Variants in CNIH3 observed in about 807,000 individuals in gnomAD.
CNIH3 encodes the protein protein cornichon homolog 3.
Under a neutral mutation model 24.1 loss-of-function variants are expected in CNIH3, and 14 were observed. That is an observed-to-expected ratio of 0.58 (90% CI 0.38 to 0.91). CNIH3 has a LOEUF of 0.91. Ranked by LOEUF, CNIH3 falls within the 40% of genes least tolerant of loss-of-function variation. The pLI is 0.00. For synonymous variants in CNIH3, 68 were observed against 73.8 expected, an observed-to-expected ratio of 0.92 and a Z score of 0.40; for missense variants, 178 against 196.8, an observed-to-expected ratio of 0.90 and a Z score of 0.57.
chr1:224,606,406 A>G (rs946827244), intron 3 of CNIH3, among the ~76,000 whole-genome samples: 1 of 152,082 alleles, frequency 6.6e-6, no homozygotes, highest in African/African-American at 2.4e-5. Context: ...TGGAGTGGGA[A>G]GATGGTCTTC....
rs1572280531 is a variant in CNIH3 at position 224,458,158 on chromosome 1, G to A, written n.203+23296G>A. Reference sequence around the variant, plus strand: ...TGAATGTATTAAGGAGTGACGTACGGCTGGATTCACTCTGATCTCATTCAC... The same window carrying A: ...TGAATGTATTAAGGAGTGACGTACGACTGGATTCACTCTGATCTCATTCAC... On this transcript the variant is annotated intron_variant and non_coding_transcript_variant, in intron 1 of 5. Coordinates refer to the CNIH3 transcript ENST00000471578. The surrounding 1 kb of genome is among the most constrained non-coding windows in gnomAD (Gnocchi z 4.3). 6.6e-6 allele frequency among the ~76,000 whole-genome samples: 1 copy of A among 152,184 alleles called. No homozygotes were observed. The highest frequency in any genetic ancestry group is 2.1e-4 in the South Asian group (1 of 4,834).
downstream of CNIH3, among the ~76,000 whole-genome samples, chr1:224,539,891 T>A (rs1679445315): frequency 6.6e-6 from 1 of 152,202 alleles, no homozygotes; most frequent in African/African-American, 2.4e-5. Context: ...TGCTTTATAT[T>A]ATAGTTAATT....
At chr1:224,680,088 C>T (rs558691137) in intron 1 of CNIH3, among the ~76,000 whole-genome samples, 2 of 152,226 alleles carry the variant, frequency 1.3e-5, no homozygotes, top group South Asian at 2.1e-4. Flanking sequence ...GGATTACAGG[C>T]GGTCATGTCT....
intron 5 of CNIH3, among the ~76,000 whole-genome samples, chr1:224,583,778 A>G (rs1364948732): frequency 6.6e-6 from 1 of 152,248 alleles, no homozygotes; most frequent in East Asian, 1.9e-4. Context: ...CTAAAAATCC[A>G]TGAAATAGAA....
upstream of CNIH3, among the ~76,000 whole-genome samples, chr1:224,612,776 C>T (rs1485614080): frequency 1.3e-5 from 2 of 151,990 alleles, no homozygotes; most frequent in Admixed American, 6.6e-5. The surrounding 1 kb of genome is among the most constrained non-coding windows in gnomAD (Gnocchi z 4.7). Context: ...GCGAGGACTC[C>T]GTAAACAAGA....
At chr1:224,502,332 A>C (rs1384426291) in intron 1 of CNIH3, among the ~76,000 whole-genome samples, 1 of 152,176 alleles carries the variant, frequency 6.6e-6, no homozygotes, top group African/African-American at 2.4e-5. Context: ...GTATCTCGTG[A>C]TAGAGACTCC....
At chr1:224,453,376 CG>C (rs551532157) in intron 1 of CNIH3, among the ~76,000 whole-genome samples, 7 of 151,216 alleles carry the variant, frequency 4.6e-5, no homozygotes, top group Non-Finnish European at 1.0e-4. Flanking sequence ...TTTGTAGAAA[CG>C]GTTTCTCACA....
At chr1:224,720,350 G>A (rs764514856) in intron 3 of CNIH3, among the ~76,000 whole-genome samples, 3 of 151,750 alleles carry the variant, frequency 2.0e-5, no homozygotes, top group Non-Finnish European at 4.4e-5. Context: ...GGAGCATAGC[G>A]GTGCATGAGG....
chr1:224,518,501 C>CT (rs5781373), intron 1 of CNIH3, among the ~76,000 whole-genome samples: 32,915 of 146,196 alleles, frequency 0.23, 4,369 homozygotes, highest in Middle Eastern at 0.35. Context: ...TTTTTGAAGC[C>CT]TTTTTTTTTT....
At chr1:224,619,008 T>C (rs1476007303) in intron 1 of CNIH3, among the ~76,000 whole-genome samples, 1 of 152,228 alleles carries the variant, frequency 6.6e-6, no homozygotes, top group Non-Finnish European at 1.5e-5. Context: ...CTTCTTTGGA[T>C]ATGGGGAGTT....
intron 2 of CNIH3, among the ~76,000 whole-genome samples, chr1:224,532,716 A>G (rs933191777): frequency 1.3e-5 from 2 of 152,248 alleles, no homozygotes; most frequent in Admixed American, 6.5e-5. Context: ...TCTAGGAGAT[A>G]AAACTAAATG....
rs533282111 is a variant in CNIH3 at position 224,440,176 on chromosome 1, G to A, written n.203+5314G>A. Among the ~76,000 whole-genome samples the A allele has an allele frequency of 1.5e-4, 23 of 152,182 alleles. No homozygotes were observed. The East Asian group carries it at 1.5e-3, about 10-fold the overall frequency. On this transcript the variant is annotated intron_variant and non_coding_transcript_variant, in intron 1 of 5. Coordinates refer to the CNIH3 transcript ENST00000471578. ...GACCTCATGGTCCGCCTGCCTCGGC[G>A]TCCCAAAGTGCTGGGATTACAGGCA... is the stretch of plus-strand genomic sequence containing the variant.
At chr1:224,442,013 A>ATTTTTT (rs1167622615) in intron 1 of CNIH3, among the ~76,000 whole-genome samples, 5 of 119,988 alleles carry the variant, frequency 4.2e-5, no homozygotes, top group Non-Finnish European at 8.6e-5. Context: ...GATTCCCTTA[A>ATTTTTT]TTTTTTTTTT....
chr1:224,526,986 C>T (rs1004028524), intron 2 of CNIH3, among the ~76,000 whole-genome samples: 32 of 152,194 alleles, frequency 2.1e-4, no homozygotes, highest in African/African-American at 7.5e-4. Flanking sequence ...ATGAGGGCTC[C>T]AGCCCCATGA....
chr1:224,556,249 G>A (rs549648602), intron 3 of CNIH3, among the ~76,000 whole-genome samples: 1 of 151,442 alleles, frequency 6.6e-6, no homozygotes, highest in African/African-American at 2.4e-5. Context: ...GGTTTACTAG[G>A]TAATCTGGAA....
intron 1 of CNIH3, among the ~76,000 whole-genome samples, chr1:224,487,345 G>A (rs1218380266): frequency 6.6e-6 from 1 of 152,202 alleles, no homozygotes; most frequent in Non-Finnish European, 1.5e-5. Context: ...ATGGAGAGAA[G>A]TGCTTCAAGA....
At chr1:224,541,152 A>T (rs1417690508), downstream of CNIH3, among the ~76,000 whole-genome samples, 3 of 152,322 alleles carry the variant, frequency 2.0e-5, no homozygotes, top group South Asian at 4.1e-4. Flanking sequence ...AAAGGTTTTC[A>T]TTTTTACTAA....
chr1:224,666,712 A>C (rs1265027496), intron 1 of CNIH3, among the ~76,000 whole-genome samples: 1 of 152,198 alleles, frequency 6.6e-6, no homozygotes, highest in Non-Finnish European at 1.5e-5. Context: ...AAACCACTGC[A>C]TTTTAGAAGT....
At chr1:224,580,216 A>G (rs1419764148) in intron 4 of CNIH3, among the ~76,000 whole-genome samples, 5 of 152,098 alleles carry the variant, frequency 3.3e-5, no homozygotes, top group African/African-American at 1.2e-4. Context: ...TTTGGCCCCC[A>G]CTTTCATCCA....
Sources: allele counts gnomAD v4.1 joint callset (sites outside exome capture counted in the v4.1 genomes callset), GRCh38; gene constraint gnomAD v4.1.1; non-coding constraint Gnocchi (gnomAD v3.1); transcripts MANE v1.5; gene names NCBI Gene and HGNC (gene_info 2026-07-23, HGNC 2026-07-21).